Variants in POGLUT2 observed in about 807,000 individuals in gnomAD.
POGLUT2 encodes the protein ER protein 58.
Under a neutral mutation model 57.6 loss-of-function variants are expected in POGLUT2, and 47 were observed. The observed-to-expected ratio is 0.82, with a 90% CI of 0.65 to 1.04. POGLUT2 has a LOEUF of 1.04. Among genes scored for constraint, POGLUT2 ranks in the 50% least tolerant of loss-of-function variants. The probability of loss-of-function intolerance (pLI) is 0.00; values close to 1 mark genes in which losing one functional copy is unlikely to be tolerated. For synonymous variants in POGLUT2, 200 were observed against 218.8 expected, an observed-to-expected ratio of 0.91 and a Z score of 0.76; for missense variants, 565 against 614.8, an observed-to-expected ratio of 0.92 and a Z score of 0.86.
chr13:102,791,193 G>C, intron 5 of POGLUT2, 55 bp from the exon 6 acceptor site: 1 of 1,605,474 alleles, frequency 6.2e-7, no homozygotes, highest in Non-Finnish European at 8.5e-7. Context: ...CACAAAGGTT[G>C]TTGCAAAAGA....
intron 9 of POGLUT2, among the ~76,000 whole-genome samples, chr13:102,785,016 A>C (rs1458624992): frequency 6.6e-6 from 1 of 152,180 alleles, no homozygotes; most frequent in Non-Finnish European, 1.5e-5. Context: ...TTCTTGTTTT[A>C]TCATTGGTTT....
intron 2 of POGLUT2, among the ~76,000 whole-genome samples, chr13:102,794,737 T>C (rs991099640): frequency 3.3e-5 from 5 of 152,246 alleles, no homozygotes; most frequent in Non-Finnish European, 5.9e-5. Context: ...ATTCCTTATG[T>C]TTTGCAGACT....
intron 6 of POGLUT2, among the ~76,000 whole-genome samples, chr13:102,789,570 G>A (rs1171066775): frequency 6.6e-6 from 1 of 152,088 alleles, no homozygotes; most frequent in East Asian, 1.9e-4. Flanking sequence ...CCCTAATGAT[G>A]GCATATTCTG....
chr13:102,791,403 C>T lies in POGLUT2; in HGVS notation c.700G>A (p.Val234Ile), dbSNP rs1024602741. 3.1e-6 allele frequency: 5 copies of T among 1,599,702 alleles called. No homozygotes were observed. The highest frequency in any genetic ancestry group is 3.4e-6 in the Non-Finnish European group (4 of 1,176,342). Reference sequence around the variant, plus strand: ...TCCAAAGGCCAGTCTCCCAAATTAACAAAGAGCTCCACATCTGGCATCTTC... The same window carrying T: ...TCCAAAGGCCAGTCTCCCAAATTAATAAAGAGCTCCACATCTGGCATCTTC... ...KVKMPDVELF[V>I]NLGDWPLEKK... Residue 234 changes from valine (V) to isoleucine (I), a missense_variant, in exon 5 of 10, where the codon GTT (valine) becomes ATT (isoleucine). Coordinates refer to ENST00000376004, the MANE Select transcript of POGLUT2 (RefSeq NM_024089.3).
chr13:102,798,786 T>G lies in POGLUT2; in HGVS notation c.-116A>C, dbSNP rs1474666257. On this transcript the variant is annotated 5_prime_UTR_variant, in exon 1 of 10. Transcript: ENST00000376004. ...GGCCGATCGCAGCAGCCAACGCGAC[T>G]GCAAAGGTTGCCGCCCGGCGTGCAG... 5 of 1,086,324 alleles carry G rather than the reference T, an allele frequency of 4.6e-6. No individual in the cohort carries two copies. Among genetic ancestry groups the G allele is most frequent in the Non-Finnish European group, 6.4e-6 (5 of 784,850 alleles). 67.3% of individuals were successfully genotyped at this position (1,086,324 alleles called of 1,614,324 possible). A position where few individuals can be genotyped will look rare whatever the true frequency, so the allele number is the denominator to read the frequency against.
Position 102,798,604 on chromosome 13 carries a change from C to T in POGLUT2, c.67G>A (p.Gly23Arg). ...ATVPALAETG[G>R]ERQLSPEKSE... ...TTCTCCGGGCTCAGCTGCCTTTCTCCGCCGGTCTCGGCGAGTGCTGGAACT... is the reference window on the plus strand; with the variant it reads ...TTCTCCGGGCTCAGCTGCCTTTCTCTGCCGGTCTCGGCGAGTGCTGGAACT... Residue 23 changes from glycine to arginine, a missense_variant, in exon 1 of 10, where the codon GGA becomes AGA. Coordinates refer to ENST00000376004, the MANE Select transcript of POGLUT2 (RefSeq NM_024089.3). The T allele has an allele frequency of 6.2e-7, 1 of 1,613,454 alleles. No homozygotes were observed. Among genetic ancestry groups the T allele is most frequent in the Non-Finnish European group, 8.5e-7 (1 of 1,179,640 alleles).
At chr13:102,787,380 G>A (rs150442963) in intron 8 of POGLUT2, among the ~76,000 whole-genome samples, 6 of 152,232 alleles carry the variant, frequency 3.9e-5, no homozygotes, top group African/African-American at 1.2e-4. Flanking sequence ...CCTTTAAATC[G>A]TCGGATATGC....
intron 6 of POGLUT2, 120 bp from the exon 7 acceptor site, chr13:102,789,341 C>T (rs1014816448): frequency 1.5e-4 from 111 of 765,014 alleles, no homozygotes; most frequent in Non-Finnish European, 5.4e-5. Flanking sequence ...TCAGCTTCCA[C>T]GCTCTGCCTT....
chr13:102,797,211 A>G (rs1030632723), intron 1 of POGLUT2, among the ~76,000 whole-genome samples: 1 of 152,242 alleles, frequency 6.6e-6, no homozygotes, highest in East Asian at 1.9e-4. Flanking sequence ...ACAATGGCCA[A>G]GATAACATGA....
At chr13:102,791,936 T>C in intron 4 of POGLUT2, 1 of 1,172,406 alleles carries the variant, frequency 8.5e-7, no homozygotes, top group Non-Finnish European at 1.1e-6. Context: ...TCACAGAAAA[T>C]GTTTAGAGTA....
At chr13:102,785,416 A>G (rs999840655) in intron 9 of POGLUT2, among the ~76,000 whole-genome samples, 1 of 151,672 alleles carries the variant, frequency 6.6e-6, no homozygotes, top group African/African-American at 2.4e-5. Context: ...TCAGAAACCT[A>G]ATTATGTTGC....
At chr13:102,792,415 A>C (rs528613574) in intron 4 of POGLUT2, among the ~76,000 whole-genome samples, 1 of 152,184 alleles carries the variant, frequency 6.6e-6, no homozygotes, top group South Asian at 2.1e-4. Context: ...ACTCAGAGTT[A>C]GTTTAGTACC....
intron 2 of POGLUT2, among the ~76,000 whole-genome samples, chr13:102,796,293 C>CAAAAAAAAAAAAAAAAAAAAAAAAAA (rs151064207): frequency 9.9e-6 from 1 of 100,736 alleles, no homozygotes; most frequent in African/African-American, 3.7e-5. Context: ...GACTCTGCCT[C>CAAAAAAAAAAAAAAAAAAAAAAAAAA]AAAAAAAAAA....
intron 2 of POGLUT2, among the ~76,000 whole-genome samples, chr13:102,794,819 T>G (rs1418963166): frequency 6.6e-6 from 1 of 152,216 alleles, no homozygotes; most frequent in Non-Finnish European, 1.5e-5. Context: ...AAAAGTGATA[T>G]GATTTACTAT....
At chr13:102,787,200 C>T (rs1877982128) in intron 8 of POGLUT2, among the ~76,000 whole-genome samples, 1 of 152,066 alleles carries the variant, frequency 6.6e-6, no homozygotes. Flanking sequence ...GTGTGCACCA[C>T]CACACCCGGC....
intron 1 of POGLUT2, 80 bp downstream of exon 1, chr13:102,798,409 T>A: frequency 1.5e-6 from 2 of 1,340,756 alleles, no homozygotes; most frequent in South Asian, 1.5e-5. Context: ...GAGAAACGAG[T>A]TCTTGGAAAG....
chr13:102,789,669 C>G (rs181239689), intron 6 of POGLUT2, among the ~76,000 whole-genome samples: 9 of 152,332 alleles, frequency 5.9e-5, no homozygotes, highest in Non-Finnish European at 1.0e-4. Context: ...GTGATCTCAG[C>G]TCACTGCAAC....
chr13:102,790,323 G>C (rs971731521), intron 6 of POGLUT2, among the ~76,000 whole-genome samples: 2 of 152,118 alleles, frequency 1.3e-5, no homozygotes, highest in Non-Finnish European at 2.9e-5. Context: ...TCTCTACCAT[G>C]GGGGACTTCA....
chr13:102,798,623 T>C lies in POGLUT2; in HGVS notation c.48A>G (p.Pro16=), dbSNP rs7994595. ...LLYCFFLATV[P]ALAETGGERQ... is the part of the protein sequence containing the mutation. ...TTTCTCCGCCGGTCTCGGCGAGTGC[T>C]GGAACTGTCGCCAGAAAGAAGCAAT... Residue 16 remains proline, a synonymous_variant, in exon 1 of 10, where the codon CCA becomes CCG. Transcript: ENST00000376004. The C allele has an allele frequency of 0.044, 71,164 of 1,611,556 alleles. 2,119 individuals are homozygous for C. Among genetic ancestry groups the C allele is most frequent in the African/African-American group, 0.13 (10,086 of 74,858 alleles).
Sources: allele counts gnomAD v4.1 joint callset (sites outside exome capture counted in the v4.1 genomes callset), GRCh38; gene constraint gnomAD v4.1.1; transcripts MANE v1.5; gene names NCBI Gene and HGNC (gene_info 2026-07-23, HGNC 2026-07-21).